The following EPHB2 variants were observed in gnomAD, a reference collection of about 807,000 sequenced individuals.
The protein encoded by EPHB2 is EPH receptor B2.
Under a neutral mutation model 96.4 loss-of-function variants are expected in EPHB2, and 18 were observed. That is an observed-to-expected ratio of 0.19 (90% CI 0.13 to 0.28). EPHB2 has a LOEUF of 0.28. Ranked by LOEUF, EPHB2 falls within the 10% of genes least tolerant of loss-of-function variation. The probability of loss-of-function intolerance (pLI) is 1.00; values close to 1 mark genes in which losing one functional copy is unlikely to be tolerated. For synonymous variants in EPHB2, 506 were observed against 534.1 expected (o/e 0.95, Z 0.72); for missense variants, 989 against 1,355.4 (o/e 0.73, Z 4.25).
intron 1 of EPHB2, among the ~76,000 whole-genome samples, chr1:22,773,808 G>C (rs1644410982): frequency 2.0e-5 from 3 of 152,242 alleles, no homozygotes; most frequent in African/African-American, 7.2e-5. Flanking sequence ...CCCACTACAT[G>C]GGACGGACAC....
chr1:22,744,891 A>G (rs960040870), intron 1 of EPHB2, among the ~76,000 whole-genome samples: 1 of 152,044 alleles, frequency 6.6e-6, no homozygotes, highest in African/African-American at 2.4e-5. Flanking sequence ...AATCACAAGG[A>G]AGAGAAAGCA....
In EPHB2 at chr1:22,906,035, C is replaced by T; in HGVS notation, c.1814C>T (p.Pro605Leu). 1 of 1,614,192 alleles carries T rather than the reference C, an allele frequency of 6.2e-7. No individual in the cohort carries two copies. Among genetic ancestry groups the T allele is most frequent in the Non-Finnish European group, 8.5e-7 (1 of 1,180,034 alleles). Residue 605 changes from proline (P) to leucine (L), a missense_variant, in exon 10 of 16, where the codon CCC becomes CTC. Pro to Leu is a moderately conservative substitution (Grantham distance 98). Transcript: ENST00000374630. The surrounding 1 kb of genome is among the most constrained non-coding windows in gnomAD (Gnocchi z 4.8). ...ATCGATCCTTTCACCTACGAGGACC[C>T]CAACGAGGCAGTGCGGGAGTTTGCC... ...IYIDPFTYED[P>L]NEAVREFAKE...
intron 6 of EPHB2, among the ~76,000 whole-genome samples, chr1:22,885,419 C>T (rs1427041672): frequency 6.6e-6 from 1 of 152,214 alleles, no homozygotes; most frequent in Non-Finnish European, 1.5e-5. Flanking sequence ...CGCCGCTGCC[C>T]GAGCATCCCC....
chr1:22,732,722 C>T (rs1643745485), intron 1 of EPHB2, among the ~76,000 whole-genome samples: 1 of 152,194 alleles, frequency 6.6e-6, no homozygotes, highest in African/African-American at 2.4e-5. Flanking sequence ...GCAGCTGACA[C>T]TGTGCGGCTC....
chr1:22,899,118 G>A lies in EPHB2; in HGVS notation c.1765+2640G>A, dbSNP rs80334456. Reference sequence around the variant, plus strand: ...TGAGGCAGGAGAATTGCTTGAACCCGGGAGGCAGAGATTGTGGTGAGCCGA... The same window carrying A: ...TGAGGCAGGAGAATTGCTTGAACCCAGGAGGCAGAGATTGTGGTGAGCCGA... On this transcript the variant is annotated intron_variant, in intron 9 of 15. Coordinates refer to ENST00000374630, the MANE Select transcript of EPHB2 (RefSeq NM_017449.5). Among the ~76,000 whole-genome samples, 27 of 151,264 alleles carry A rather than the reference G, an allele frequency of 1.8e-4. No individual in the cohort carries two copies. The East Asian group carries it at 4.9e-3, about 27-fold the overall frequency.
At chr1:22,895,929 C>T (rs936216543) in intron 8 of EPHB2, among the ~76,000 whole-genome samples, 1 of 152,178 alleles carries the variant, frequency 6.6e-6, no homozygotes, top group African/African-American at 2.4e-5. Flanking sequence ...AGTTCAGGCC[C>T]CCTGGCTGAG....
chr1:22,729,661 AT>A (rs1643659675), intron 1 of EPHB2, among the ~76,000 whole-genome samples: 1 of 152,076 alleles, frequency 6.6e-6, no homozygotes, highest in Non-Finnish European at 1.5e-5. Context: ...ACTCTCACCC[AT>A]CCTCCATGTT....
At chr1:22,828,624 G>A (rs750407757) in intron 3 of EPHB2, among the ~76,000 whole-genome samples, 2 of 152,164 alleles carry the variant, frequency 1.3e-5, no homozygotes, top group Admixed American at 6.5e-5. Flanking sequence ...ACAGGCTCAC[G>A]TGACATCACA....
intron 9 of EPHB2, among the ~76,000 whole-genome samples, chr1:22,904,590 G>A (rs1639849858): frequency 6.6e-6 from 1 of 152,142 alleles, no homozygotes; most frequent in Admixed American, 6.5e-5. Flanking sequence ...TAAAGCTAAC[G>A]TGTTAGAGCA....
At chr1:22,887,659 C>T (rs375103281) in intron 6 of EPHB2, among the ~76,000 whole-genome samples, 7 of 152,196 alleles carry the variant, frequency 4.6e-5, no homozygotes, top group East Asian at 3.9e-4. Context: ...TCAGTTCCAA[C>T]GCCCCAGGGG....
rs139327788 is a variant in EPHB2 at position 22,921,471 on chromosome 1, T to C, written c.*7901T>C. 1.8e-3 allele frequency: 274 copies of C among 152,266 alleles called. 3 individuals are homozygous for C. The highest frequency in any genetic ancestry group is 6.4e-3 in the African/African-American group (266 of 41,556). 9.4% of individuals were successfully genotyped at this position (152,266 alleles called of 1,614,324 possible). Reference sequence around the variant, plus strand: ...AGTATTTTTAGCAGAACCGTTTTTTTCCCAAAATAAATGTGAATTGTAAAA... The same window carrying C: ...AGTATTTTTAGCAGAACCGTTTTTTCCCCAAAATAAATGTGAATTGTAAAA... On this transcript the variant is annotated 3_prime_UTR_variant, in exon 16 of 16. Transcript: ENST00000374630.
chr1:22,893,745 C>G (rs1365637521), intron 7 of EPHB2, among the ~76,000 whole-genome samples: 1 of 152,220 alleles, frequency 6.6e-6, no homozygotes, highest in African/African-American at 2.4e-5. Flanking sequence ...ACAATGATCT[C>G]ATTATCACTA....
chr1:22,842,186 GC>G (rs1282314010), intron 3 of EPHB2, among the ~76,000 whole-genome samples: 2 of 151,950 alleles, frequency 1.3e-5, no homozygotes, highest in African/African-American at 4.8e-5. Context: ...GGCTCTGCCA[GC>G]CCCCCAGGCA....
At chr1:22,822,716 A>C (rs995240052) in intron 3 of EPHB2, among the ~76,000 whole-genome samples, 2 of 152,250 alleles carry the variant, frequency 1.3e-5, no homozygotes, top group South Asian at 4.1e-4. Flanking sequence ...ATGCACTGGC[A>C]TCTGGGCCAG....
intron 9 of EPHB2, among the ~76,000 whole-genome samples, chr1:22,903,930 G>A (rs1639826759): frequency 6.6e-6 from 1 of 152,192 alleles, no homozygotes; most frequent in Non-Finnish European, 1.5e-5. Context: ...ACTCCTGGGA[G>A]ACTCTGCTGA....
chr1:22,713,272 A>T lies in EPHB2; in HGVS notation c.61+2229A>T, dbSNP rs1403081732. ...TAAGGAGCTGGCCGAATGGATGGGG[A>T]GATGGTGTGAGGTGGAGGTCAGAGG... On this transcript the variant is annotated intron_variant, in intron 1 of 15. Transcript: ENST00000374630. 2.0e-5 allele frequency among the ~76,000 whole-genome samples: 3 copies of T among 151,970 alleles called. No individual in the cohort carries two copies. The East Asian group carries it at 5.8e-4, about 29-fold the overall frequency.
intron 5 of EPHB2, among the ~76,000 whole-genome samples, chr1:22,866,697 G>A (rs1374632383): frequency 6.6e-6 from 1 of 152,124 alleles, no homozygotes; most frequent in South Asian, 2.1e-4. Flanking sequence ...ACTTTGGGAG[G>A]CCAAGGCGGG....
intron 1 of EPHB2, among the ~76,000 whole-genome samples, chr1:22,747,326 A>G (rs558874868): frequency 1.3e-5 from 2 of 152,340 alleles, no homozygotes; most frequent in Admixed American, 6.5e-5. Context: ...AAGCACTCTG[A>G]TAAGTGCTTT....
intron 5 of EPHB2, among the ~76,000 whole-genome samples, chr1:22,877,846 G>A (rs994025735): frequency 2.0e-5 from 3 of 152,148 alleles, no homozygotes; most frequent in Non-Finnish European, 4.4e-5. Context: ...AACATCACCT[G>A]GGAGTTTGCT....
Sources: allele counts gnomAD v4.1 joint callset (sites outside exome capture counted in the v4.1 genomes callset), GRCh38; gene constraint gnomAD v4.1.1; non-coding constraint Gnocchi (gnomAD v3.1); transcripts MANE v1.5; gene names NCBI Gene and HGNC (gene_info 2026-07-23, HGNC 2026-07-21).